The following HERC5 variants were observed in gnomAD, a reference collection of about 807,000 sequenced individuals.
HERC5 encodes the protein E3 ISG15--protein ligase HERC5.
Under a neutral mutation model 119.6 loss-of-function variants are expected in HERC5, and 99 were observed. The ratio of observed to expected loss-of-function variants is 0.83; its 90% confidence interval spans 0.70 to 0.98. The LOEUF (loss-of-function observed/expected upper bound fraction) is 0.98. Among genes scored for constraint, HERC5 ranks in the 50% least tolerant of loss-of-function variants. HERC5 has a pLI of 0.00. For missense variants in HERC5, 1,267 were observed against 1,241.3 expected (o/e 1.02, Z -0.31); for synonymous variants, 478 against 445.9 (o/e 1.07, Z -0.91).
chr4:88,458,860 A>G (rs1463247274), intron 1 of HERC5, among the ~76,000 whole-genome samples: 1 of 152,148 alleles, frequency 6.6e-6, no homozygotes, highest in Non-Finnish European at 1.5e-5. Context: ...CCCAAACATA[A>G]TCCTTCCTTT....
chr4:88,490,813 C>A (rs1334497016), intron 16 of HERC5, among the ~76,000 whole-genome samples: 2 of 152,104 alleles, frequency 1.3e-5, no homozygotes, highest in Non-Finnish European at 2.9e-5. Context: ...CCACTGCACT[C>A]TAGCCTGGGC....
At chr4:88,491,820 G>T (rs1323004456) in intron 16 of HERC5, among the ~76,000 whole-genome samples, 1 of 151,932 alleles carries the variant, frequency 6.6e-6, no homozygotes, top group Non-Finnish European at 1.5e-5. Context: ...GTGAATGGAA[G>T]TGAAGGATTC....
At chr4:88,478,678 C>T (rs1459671693) in intron 12 of HERC5, among the ~76,000 whole-genome samples, 1 of 152,050 alleles carries the variant, frequency 6.6e-6, no homozygotes, top group African/African-American at 2.4e-5. Context: ...CTGGCACAAT[C>T]TCAGCTCACT....
In HERC5 at chr4:88,457,188, G is replaced by C. The variant is rs1560593582; in HGVS notation, c.-82G>C. On this transcript the variant is annotated 5_prime_UTR_variant, in exon 1 of 23. Coordinates refer to ENST00000264350, the MANE Select transcript of HERC5 (RefSeq NM_016323.4). ...GCTGGTTCCCGCTCTGCAGCGCAAC[G>C]CCTGAGGCAGTGGGCGCGCTCAGTC... The C allele has an allele frequency of 3.2e-6, 4 of 1,241,178 alleles. No individual in the cohort carries two copies. The East Asian group carries it at 9.5e-5, about 29-fold the overall frequency. The allele number at this position is 1,241,178 out of a possible 1,614,324, so 76.9% of individuals were successfully genotyped here.
intron 20 of HERC5, among the ~76,000 whole-genome samples, chr4:88,502,832 T>C (rs1385400817): frequency 6.6e-6 from 1 of 152,158 alleles, no homozygotes; most frequent in Non-Finnish European, 1.5e-5. Flanking sequence ...TCAGAAATAA[T>C]TATTCCTCAT....
intron 9 of HERC5, 123 bp downstream of exon 9, chr4:88,469,383 T>A (rs2149091720): frequency 1.4e-6 from 1 of 701,088 alleles, no homozygotes; most frequent in Non-Finnish European, 2.6e-6. Context: ...ACTCATAGGA[T>A]ATGTGTGTAT....
chr4:88,486,145 A>G lies in HERC5; in HGVS notation c.1768A>G (p.Ser590Gly). ...CCAGGTGAAATGTCAACTACCTGAA[A>G]GTATTTTCCAAGTAGACGAACTCTT... ...VNQVKCQLPE[S>G]IFQVDELLHR... The change falls in exon 14 of 23, where the codon AGT becomes GGT. Residue 590 changes from serine (S) to glycine (G), a missense_variant. By Grantham distance (56) the Ser-to-Gly change is moderately conservative. Coordinates refer to ENST00000264350, the MANE Select transcript of HERC5 (RefSeq NM_016323.4). 2 of 1,612,010 alleles carry G rather than the reference A, an allele frequency of 1.2e-6. No individual in the cohort carries two copies. Among genetic ancestry groups the G allele is most frequent in the Non-Finnish European group, 1.7e-6 (2 of 1,178,744 alleles).
chr4:88,494,114 T>C (rs776662423), intron 17 of HERC5, 51 bp from the exon 18 acceptor site: 67 of 1,125,884 alleles, frequency 6.0e-5, no homozygotes, highest in Non-Finnish European at 8.2e-5. Flanking sequence ...AAATATTTCA[T>C]TGTACTGGTA....
chr4:88,460,117 A>G lies in HERC5; in HGVS notation c.412A>G (p.Lys138Glu). Reference sequence around the variant, plus strand: ...CAGGTTTGAAAGCATTTTACAAGAAAAAAAAATAATTCAGATCACATGTGG... The same window carrying G: ...CAGGTTTGAAAGCATTTTACAAGAAGAAAAAATAATTCAGATCACATGTGG... ...HLRFESILQE[K>E]KIIQITCGDY... Residue 138 changes from lysine to glutamate, a missense_variant, in exon 3 of 23, where the codon AAA becomes GAA. Physicochemically the swap from Lys to Glu is moderately conservative, Grantham distance 56 (BLOSUM62 1). This residue lies in a region of HERC5 where 777 missense variants were observed against 758.0 expected (regional missense o/e 1.03). Transcript: ENST00000264350. 6.3e-7 allele frequency: 1 copy of G among 1,585,104 alleles called. No homozygotes were observed. Among genetic ancestry groups the G allele is most frequent in the Non-Finnish European group, 8.6e-7 (1 of 1,156,236 alleles).
At chr4:88,484,317 A>G (rs1741383832) in intron 13 of HERC5, among the ~76,000 whole-genome samples, 2 of 152,086 alleles carry the variant, frequency 1.3e-5, no homozygotes, top group South Asian at 4.1e-4. Context: ...TGATGTCTTT[A>G]TGCTCATGTA....
chr4:88,498,255 A>T (rs1741853228), intron 18 of HERC5, among the ~76,000 whole-genome samples: 1 of 152,172 alleles, frequency 6.6e-6, no homozygotes, highest in African/African-American at 2.4e-5. Context: ...ACCCGAGAAG[A>T]GCCACCAGTG....
At chr4:88,504,710 A>G (rs1742055632) in intron 22 of HERC5, 113 bp downstream of exon 22, 2 of 486,248 alleles carry the variant, frequency 4.1e-6, no homozygotes, top group Non-Finnish European at 7.1e-6. Context: ...AGCTACGCCT[A>G]GTCCAACTGA....
Position 88,494,316 on chromosome 4 carries a change from G to T in HERC5, c.2429G>T (p.Ser810Ile). Residue 810 changes from serine (S) to isoleucine (I), a missense_variant, in exon 18 of 23, where the codon AGT (serine) becomes ATT (isoleucine). Transcript: ENST00000264350. ...TCATTGGAAGACTTGAAAGAACTCA[G>T]TCCTGATTTGGGAAAGTAAGTAAAC... is the stretch of plus-strand genomic sequence containing the variant. ...MPSLEDLKEL[S>I]PDLGKNLQTL... 6.2e-7 allele frequency: 1 copy of T among 1,612,710 alleles called. No individual in the cohort carries two copies. The highest frequency in any genetic ancestry group is 8.5e-7 in the Non-Finnish European group (1 of 1,179,614).
At chr4:88,491,933 C>T (rs555454425) in intron 16 of HERC5, among the ~76,000 whole-genome samples, 3 of 152,026 alleles carry the variant, frequency 2.0e-5, no homozygotes, top group Non-Finnish European at 2.9e-5. Flanking sequence ...GCAGCCTCCT[C>T]GGGGAGCAAA....
intron 20 of HERC5, among the ~76,000 whole-genome samples, chr4:88,503,480 G>A (rs1305125280): frequency 1.3e-5 from 2 of 152,084 alleles, no homozygotes; most frequent in Non-Finnish European, 2.9e-5. Flanking sequence ...TACTAGGAGA[G>A]GTATATTAGC....
chr4:88,463,909 T>C lies in HERC5; in HGVS notation c.835T>C (p.Ser279Pro), dbSNP rs746073656. ...AAAACATGGGCAACTTGGTCATAAT[T>C]CAACACAGAATGAGCTAAGACCCTG... ...AGKHGQLGHN[S>P]TQNELRPCLV... is the part of the protein sequence containing the mutation. The change falls in exon 6 of 23, where the codon TCA becomes CCA. Residue 279 changes from serine (S) to proline (P), a missense_variant. Physicochemically the swap from Ser to Pro is moderately conservative, Grantham distance 74. Coordinates refer to ENST00000264350, the MANE Select transcript of HERC5 (RefSeq NM_016323.4). 1.2e-6 allele frequency: 2 copies of C among 1,613,948 alleles called. No individual in the cohort carries two copies. Among genetic ancestry groups the C allele is most frequent in the Non-Finnish European group, 1.7e-6 (2 of 1,180,018 alleles).
intron 10 of HERC5, among the ~76,000 whole-genome samples, 199 bp downstream of exon 10, chr4:88,470,872 A>G (rs1435762778): frequency 2.0e-5 from 3 of 152,154 alleles, no homozygotes; most frequent in Non-Finnish European, 1.5e-5. Context: ...TCCATAATCC[A>G]TCACTTAAGA....
intron 18 of HERC5, among the ~76,000 whole-genome samples, chr4:88,498,128 G>T (rs1276735150): frequency 1.3e-5 from 2 of 152,164 alleles, no homozygotes; most frequent in Non-Finnish European, 2.9e-5. Context: ...GATATCAAAG[G>T]ATACTCCACA....
At chr4:88,477,496 G>T (rs1235012409) in intron 12 of HERC5, among the ~76,000 whole-genome samples, 1 of 104,822 alleles carries the variant, frequency 9.5e-6, no homozygotes. Flanking sequence ...GAAGGAGAAG[G>T]TGAAGGGAAG....
Sources: allele counts gnomAD v4.1 joint callset (sites outside exome capture counted in the v4.1 genomes callset), GRCh38; gene constraint gnomAD v4.1.1; regional missense constraint gnomAD v4.1.1; transcripts MANE v1.5; gene names NCBI Gene and HGNC (gene_info 2026-07-23, HGNC 2026-07-21).